The following RET variants were observed in gnomAD, a reference collection of about 807,000 sequenced individuals.
The protein encoded by RET is ret proto-oncogene, also known as proto-oncogene tyrosine-protein kinase receptor Ret.
A neutral mutation model predicts 118.3 loss-of-function variants in RET; 19 were observed. That is an observed-to-expected ratio of 0.16 (90% CI 0.11 to 0.24). The LOEUF (loss-of-function observed/expected upper bound fraction) is 0.24. Among genes scored for constraint, RET ranks in the 10% least tolerant of loss-of-function variants. RET has a pLI of 1.00. For missense variants in RET, 1,219 were observed against 1,502.1 expected (o/e 0.81, Z 3.12); for synonymous variants, 597 against 644.1 (o/e 0.93, Z 1.11).
At position 43,119,599 on chromosome 10, in the gene RET, A is replaced by G. The variant is rs749421642; in HGVS notation, c.2461A>G (p.Lys821Glu). ...GCGGGGCTTCCTCCGCGAGAGCCGCAAAGTGGGGCCTGGCTACCTGGGCAG... is the reference window on the plus strand; with the variant it reads ...GCGGGGCTTCCTCCGCGAGAGCCGCGAAGTGGGGCCTGGCTACCTGGGCAG... Reference protein sequence around the residue: ...SLRGFLRESRKVGPGYLGSGG... With the variant: ...SLRGFLRESREVGPGYLGSGG... Residue 821 changes from lysine to glutamate, a missense_variant, in exon 14 of 20, where the codon AAA becomes GAA. Transcript: ENST00000355710. 3.7e-6 allele frequency: 6 copies of G among 1,612,552 alleles called. No homozygotes were observed. Among genetic ancestry groups the G allele is most frequent in the Non-Finnish European group, 5.1e-6 (6 of 1,179,914 alleles).
rs763967472 is a variant in RET at position 43,109,128 on chromosome 10, C to T, written c.1161C>T (p.Gly387=). 3.7e-6 allele frequency: 6 copies of T among 1,613,854 alleles called. No homozygotes were observed. The highest frequency in any genetic ancestry group is 1.7e-5 in the Admixed American group (1 of 60,020). The change falls in exon 6 of 20, where the codon GGC becomes GGT. Residue 387 remains glycine, a synonymous_variant. Coordinates refer to ENST00000355710, the MANE Select transcript of RET (RefSeq NM_020975.6). The stretch of plus-strand genomic sequence containing the variant: ...CAGACTTCCAGGGCCCAGGAGCGGG[C>T]GTCCTCTTGCTCCACTTCAACGTGT... ...NDSDFQGPGA[G]VLLLHFNVSV... is the part of the protein sequence containing the mutation.
intron 1 of RET, among the ~76,000 whole-genome samples, chr10:43,089,259 GGGGTCAGGTGTCCCA>G (rs929414236): frequency 2.0e-5 from 3 of 152,166 alleles, no homozygotes; most frequent in African/African-American, 7.2e-5. Context: ...CGTCCCTGCC[GGGGTCAGGTGTCCCA>G]GGGTCTCCAG....
chr10:43,093,655 C>T (rs868103922), intron 1 of RET, among the ~76,000 whole-genome samples: 3 of 152,232 alleles, frequency 2.0e-5, no homozygotes, highest in East Asian at 1.9e-4. Flanking sequence ...ATCCCAGCGA[C>T]GCTGGACAGC....
intron 13 of RET, 71 bp downstream of exon 13, chr10:43,118,551 C>T: frequency 9.2e-7 from 1 of 1,090,992 alleles, no homozygotes; most frequent in Non-Finnish European, 1.4e-6. Context: ...GCCCTGTTCT[C>T]CCTCTTTCTC....
rs1490740811 is a variant in RET, at chr10:43,120,232, T to C, written c.2730+29T>C. 3.1e-6 allele frequency: 5 copies of C among 1,610,052 alleles called. No homozygotes were observed. In the South Asian group the frequency reaches 5.5e-5, roughly 18 times the overall value. ...CCCAGTCCCGGGGATGAGGCGGGGC[T>C]CCCAGGGATCCCAGGTGCACCATGG... On this transcript the variant is annotated intron_variant, in intron 15 of 19. Coordinates refer to ENST00000355710, the MANE Select transcript of RET (RefSeq NM_020975.6).
intron 15 of RET, among the ~76,000 whole-genome samples, chr10:43,121,672 C>G (rs996987794): frequency 2.0e-5 from 3 of 152,190 alleles, no homozygotes; most frequent in Non-Finnish European, 4.4e-5. Context: ...AAGCACTGCT[C>G]TGCACTACCA....
chr10:43,103,468 CAGTGGAGAGGGGAG>C (rs1279156643), intron 3 of RET, among the ~76,000 whole-genome samples: 1 of 152,064 alleles, frequency 6.6e-6, no homozygotes, highest in African/African-American at 2.4e-5. Flanking sequence ...AGCTGGATCC[CAGTGGAGAGGGGAG>C]AAGGCAGCTG....
At chr10:43,126,807 GT>G in intron 19 of RET, 85 bp downstream of exon 19, 1 of 1,556,084 alleles carries the variant, frequency 6.4e-7, no homozygotes, top group East Asian at 2.4e-5. Flanking sequence ...TTTTAAAAAT[GT>G]TTCTGGTCTG....
intron 1 of RET, among the ~76,000 whole-genome samples, chr10:43,099,021 A>G (rs1286611394): frequency 1.3e-5 from 2 of 152,192 alleles, no homozygotes; most frequent in African/African-American, 2.4e-5. Context: ...GACAATGTAC[A>G]TGAGTTCCAA....
At position 43,106,645 on chromosome 10, in the gene RET, A is replaced by C; in HGVS notation, c.1063+74A>C. 6.9e-7 allele frequency: 1 copy of C among 1,459,376 alleles called. No individual in the cohort carries two copies. The highest frequency in any genetic ancestry group is 1.2e-5 in the South Asian group (1 of 83,356). 90.4% of individuals were successfully genotyped at this position (1,459,376 alleles called of 1,614,324 possible). A position where few individuals can be genotyped will look rare whatever the true frequency, so the allele number is the denominator to read the frequency against. ...TGCTCGCTCTTCATGGGCAAGCAGC[A>C]CCCTACACACATGCACACCTGGCAT... On this transcript the variant is annotated intron_variant, in intron 5 of 19. Transcript: ENST00000355710. This position sits in a 1 kb window ranked among gnomAD's most constrained non-coding sequence, Gnocchi z 5.1.
intron 11 of RET, among the ~76,000 whole-genome samples, chr10:43,115,422 GGAGCC>G (rs1177537894): frequency 2.0e-5 from 3 of 152,234 alleles, no homozygotes; most frequent in African/African-American, 7.2e-5. Flanking sequence ...CCTCGGCCCT[GGAGCC>G]TCCGTTCAGG....
intron 5 of RET, 75 bp from the exon 6 acceptor site, chr10:43,108,956 T>C (rs1414486660): frequency 4.9e-6 from 7 of 1,416,404 alleles, no homozygotes; most frequent in Non-Finnish European, 6.9e-6. Context: ...CAGGGCTGTG[T>C]CTGGGAAGAG....
At chr10:43,126,175 C>T (rs1273851684) in intron 18 of RET, among the ~76,000 whole-genome samples, 9 of 152,198 alleles carry the variant, frequency 5.9e-5, no homozygotes, top group Admixed American at 3.9e-4. Flanking sequence ...GCAGTGGGCT[C>T]CCCCAGAGCC....
chr10:43,107,562 C>CAG (rs1491005061), intron 5 of RET, among the ~76,000 whole-genome samples: 317 of 36,306 alleles, frequency 8.7e-3, no homozygotes, highest in Middle Eastern at 0.032. Context: ...CCATGCCTCA[C>CAG]ACACACACAC....
At chr10:43,102,814 C>A in intron 3 of RET, 185 bp downstream of exon 3, 1 of 697,474 alleles carries the variant, frequency 1.4e-6, no homozygotes, top group East Asian at 2.7e-5. Flanking sequence ...AAGGATATAA[C>A]AATGAACACA....
At chr10:43,093,265 G>C (rs1360863285) in intron 1 of RET, among the ~76,000 whole-genome samples, 3 of 152,128 alleles carry the variant, frequency 2.0e-5, no homozygotes, top group Non-Finnish European at 2.9e-5. Flanking sequence ...CTCTGTGCGA[G>C]ATTGCCTGTC....
chr10:43,102,441 A>T lies in RET; in HGVS notation c.437A>T (p.Tyr146Phe), dbSNP rs2132680527. The change falls in exon 3 of 20, where the codon TAC becomes TTC. Residue 146 changes from tyrosine (Y) to phenylalanine (F), a missense_variant. By Grantham distance (22) the Tyr-to-Phe change is conservative (BLOSUM62 3). Around this residue, in one of 5 missense-constraint regions of RET, gnomAD observed 850 missense variants for 969.6 expected, o/e 0.88. Coordinates refer to ENST00000355710, the MANE Select transcript of RET (RefSeq NM_020975.6). ...ECQWPGCARV[Y>F]FSFFNTSFPA... ...CAGTGGCCAGGCTGTGCCCGCGTATACTTCTCCTTCTTCAACACCTCCTTT... is the reference window on the plus strand; with the variant it reads ...CAGTGGCCAGGCTGTGCCCGCGTATTCTTCTCCTTCTTCAACACCTCCTTT... 6.2e-7 allele frequency: 1 copy of T among 1,614,122 alleles called. No homozygotes were observed. The highest frequency in any genetic ancestry group is 8.5e-7 in the Non-Finnish European group (1 of 1,180,012).
rs2132679825 is a variant in RET at position 43,102,417 on chromosome 10, A to G, written c.413A>G (p.Gln138Arg). ...ACATCCCTTCGTGAGGGCGAGTGCC[A>G]GTGGCCAGGCTGTGCCCGCGTATAC... Reference protein sequence around the residue: ...SPTSLREGECQWPGCARVYFS... With the variant: ...SPTSLREGECRWPGCARVYFS... The change falls in exon 3 of 20, where the codon CAG becomes CGG. Residue 138 changes from glutamine (Q) to arginine (R), a missense_variant. By Grantham distance (43) the Gln-to-Arg change is conservative. This residue lies in a region of RET where 84 missense variants were observed against 163.6 expected (regional missense o/e 0.51). Coordinates refer to ENST00000355710, the MANE Select transcript of RET (RefSeq NM_020975.6). 6.2e-7 allele frequency: 1 copy of G among 1,614,250 alleles called. No homozygotes were observed. Among genetic ancestry groups the G allele is most frequent in the Non-Finnish European group, 8.5e-7 (1 of 1,180,054 alleles).
chr10:43,112,797 G>C, intron 8 of RET, 56 bp from the exon 9 acceptor site: 12 of 1,385,826 alleles, frequency 8.7e-6, no homozygotes, highest in Non-Finnish European at 1.2e-5. Context: ...AGGAGGTGGT[G>C]GGGGCGTGTG....
Sources: gnomAD v4.1 joint callset for allele counts (sites outside exome capture counted in the v4.1 genomes callset) on GRCh38, gnomAD v4.1.1 for gene constraint, gnomAD v4.1.1 regional missense constraint, Gnocchi (gnomAD v3.1) non-coding constraint, MANE v1.5 for transcripts, NCBI Gene and HGNC (gene_info 2026-07-23, HGNC 2026-07-21) for gene names.